RUBCNL: variants seen among roughly 807,000 people sequenced by gnomAD.
The protein encoded by RUBCNL is rubicon like autophagy enhancer.
In RUBCNL, 62 loss-of-function variants were observed where a neutral mutation model predicts 69.5. That is an observed-to-expected ratio of 0.89 (90% confidence interval 0.73 to 1.10). The LOEUF (loss-of-function observed/expected upper bound fraction) is 1.10. Among genes scored for constraint, RUBCNL ranks in the 50% least tolerant of loss-of-function variants. The pLI is 0.00. For missense variants in RUBCNL, 768 were observed against 798.1 expected (o/e 0.96, Z 0.45); for synonymous variants, 291 against 303.6 (o/e 0.96, Z 0.43).
At chr13:46,376,338 G>A (rs2048994370) in intron 2 of RUBCNL, among the ~76,000 whole-genome samples, 1 of 151,834 alleles carries the variant, frequency 6.6e-6, no homozygotes, top group African/African-American at 2.4e-5. Flanking sequence ...ATATACCTTT[G>A]TATATAACAT....
intron 10 of RUBCNL, chr13:46,354,756 C>T (rs1419816547): frequency 6.6e-6 from 3 of 456,524 alleles, no homozygotes; most frequent in East Asian, 6.9e-5. Context: ...GTGTTACATA[C>T]ACTTACTTGG....
intron 10 of RUBCNL, among the ~76,000 whole-genome samples, chr13:46,355,294 CTTTTT>C (rs34432929): frequency 1.6e-5 from 2 of 126,480 alleles, no homozygotes; most frequent in African/African-American, 3.1e-5. Context: ...AAAGCCCGAG[CTTTTT>C]TTTTTTTTTT....
In RUBCNL at chr13:46,380,264, G is replaced by C. The variant is rs368414980; in HGVS notation, c.-238-2259C>G. Reference sequence around the variant, plus strand: ...TTTCACCTAAAAGAACTGCAGGGTTGCCCAAAACACCCAAATGACTAACTC... The same window carrying C: ...TTTCACCTAAAAGAACTGCAGGGTTCCCCAAAACACCCAAATGACTAACTC... On this transcript the variant is annotated intron_variant, in intron 1 of 14. Coordinates refer to ENST00000429979, the MANE Select transcript of RUBCNL (RefSeq NM_025113.5). Among the ~76,000 whole-genome samples the C allele has an allele frequency of 2.6e-5, 4 of 152,294 alleles. No individual in the cohort carries two copies. In the South Asian group the frequency reaches 8.3e-4, roughly 32 times the overall value.
chr13:46,356,402 A>G (rs1267679976), intron 10 of RUBCNL, 30 bp downstream of exon 10: 6 of 1,610,448 alleles, frequency 3.7e-6, no homozygotes, highest in Admixed American at 1.7e-5. Context: ...TCATCACATC[A>G]TAAGCAGGCG....
intron 5 of RUBCNL, among the ~76,000 whole-genome samples, chr13:46,366,496 A>G (rs1024655561): frequency 6.6e-6 from 1 of 152,250 alleles, no homozygotes; most frequent in Non-Finnish European, 1.5e-5. Flanking sequence ...TGTCCCAGAT[A>G]TATTTCCCAC....
intron 3 of RUBCNL, among the ~76,000 whole-genome samples, chr13:46,369,856 T>C (rs1456268812): frequency 6.6e-6 from 1 of 152,240 alleles, no homozygotes; most frequent in Non-Finnish European, 1.5e-5. Context: ...AATCCCTTGC[T>C]TCATGTTCAA....
chr13:46,345,611 G>C lies in RUBCNL; in HGVS notation c.1632-11C>G. The C allele has an allele frequency of 6.2e-7, 1 of 1,612,662 alleles. No individual in the cohort carries two copies. Among genetic ancestry groups the C allele is most frequent in the Non-Finnish European group, 8.5e-7 (1 of 1,179,226 alleles). On this transcript the variant is annotated splice_polypyrimidine_tract_variant and intron_variant, in intron 12 of 14. Transcript: ENST00000429979. ...AACTCCTTTAATGCACTGCCAGAGA[G>C]GAAACAAAGAGGAATTCAGAAACCC...
At position 46,365,764 on chromosome 13, in the gene RUBCNL, G is replaced by A. The variant is rs185258362; in HGVS notation, c.826+2278C>T. ...CCTGTTTAAAAGGCAGGAAGCAGCTGGATGCCACAAGGCTAAAAATTCCAG... is the reference window on the plus strand; with the variant it reads ...CCTGTTTAAAAGGCAGGAAGCAGCTAGATGCCACAAGGCTAAAAATTCCAG... On this transcript the variant is annotated intron_variant, in intron 5 of 14. Coordinates refer to ENST00000429979, the MANE Select transcript of RUBCNL (RefSeq NM_025113.5). 2.0e-5 allele frequency among the ~76,000 whole-genome samples: 3 copies of A among 152,260 alleles called. No individual in the cohort carries two copies. In the East Asian group the frequency reaches 5.8e-4, roughly 29 times the overall value.
intron 10 of RUBCNL, chr13:46,350,613 T>C (rs906143158): frequency 1.7e-4 from 63 of 373,496 alleles, no homozygotes; most frequent in African/African-American, 8.6e-4. Context: ...ATTTGGAAGA[T>C]GGAAATTGCA....
At chr13:46,363,452 A>G (rs1057430049) in intron 5 of RUBCNL, among the ~76,000 whole-genome samples, 2 of 152,188 alleles carry the variant, frequency 1.3e-5, no homozygotes, top group Non-Finnish European at 2.9e-5. Context: ...CAAAGAAGCT[A>G]TCTGCAGTCC....
At chr13:46,362,957 T>G (rs1182550548) in intron 6 of RUBCNL, among the ~76,000 whole-genome samples, 158 bp downstream of exon 6, 4 of 72,188 alleles carry the variant, frequency 5.5e-5, no homozygotes, top group Non-Finnish European at 1.0e-4. Context: ...TATATATATA[T>G]ATATATATAT....
chr13:46,381,034 A>G (rs978993893), intron 1 of RUBCNL, among the ~76,000 whole-genome samples: 4 of 152,238 alleles, frequency 2.6e-5, no homozygotes, highest in Non-Finnish European at 5.9e-5. Flanking sequence ...ATGGAAAGCC[A>G]TATTGGAAAA....
chr13:46,368,249 C>A lies in RUBCNL; in HGVS notation c.619G>T (p.Glu207Ter), dbSNP rs770900318. The part of the protein sequence containing the change: ...VFVLPVDVEK[E>*]NAHFYVADMI... ...TCTGCAACATAAAAGTGGGCATTTT[C>A]CTGCAGAAAAAGAAATCAATTAAAA... Residue 207 changes from glutamate (E) to a stop codon, truncating the protein, a stop_gained and splice_region_variant, in exon 5 of 15, where the codon GAA becomes TAA. Coordinates refer to ENST00000429979, the MANE Select transcript of RUBCNL (RefSeq NM_025113.5). LOFTEE classifies it high-confidence loss of function. 4 of 1,610,796 alleles carry A rather than the reference C, an allele frequency of 2.5e-6. No individual in the cohort carries two copies. The highest frequency in any genetic ancestry group is 3.4e-6 in the Non-Finnish European group (4 of 1,178,156).
intron 2 of RUBCNL, among the ~76,000 whole-genome samples, chr13:46,372,835 G>T (rs1477130063): frequency 2.0e-5 from 3 of 151,932 alleles, no homozygotes; most frequent in Non-Finnish European, 4.4e-5. Flanking sequence ...ATAAAATTAA[G>T]AAATCACAAA....
At chr13:46,383,826 A>T (rs537703199) in intron 1 of RUBCNL, among the ~76,000 whole-genome samples, 2 of 152,328 alleles carry the variant, frequency 1.3e-5, no homozygotes, top group African/African-American at 4.8e-5. Context: ...GTGAATAATG[A>T]ATTGTTTCTG....
chr13:46,363,456 G>A (rs895466586), intron 5 of RUBCNL, among the ~76,000 whole-genome samples: 1 of 152,118 alleles, frequency 6.6e-6, no homozygotes, highest in African/African-American at 2.4e-5. Context: ...GAAGCTATCT[G>A]CAGTCCATCC....
At position 46,336,956 on chromosome 13, in the gene RUBCNL, T is replaced by G. The variant is rs769720502; in HGVS notation, c.*6429A>C. On this transcript the variant is annotated 3_prime_UTR_variant, in exon 15 of 15. Transcript: ENST00000429979. ...GTTTTTGATGTCTGCATGACTGTTA[T>G]GGACTGAATATTTATATCTCCTCAA... Among the ~76,000 whole-genome samples, 2 of 152,060 alleles carry G rather than the reference T, an allele frequency of 1.3e-5. No homozygotes were observed. Among genetic ancestry groups the G allele is most frequent in the Non-Finnish European group, 2.9e-5 (2 of 68,022 alleles).
rs183731833 is a variant in RUBCNL, at chr13:46,383,146, T to C, written c.-239+3988A>G. 1.3e-4 allele frequency among the ~76,000 whole-genome samples: 20 copies of C among 152,326 alleles called. No homozygotes were observed. In the East Asian group the frequency reaches 2.9e-3, roughly 22 times the overall value. On this transcript the variant is annotated intron_variant, in intron 1 of 14. Coordinates refer to ENST00000429979, the MANE Select transcript of RUBCNL (RefSeq NM_025113.5). ...GAAGGTTGTTCATTGTACTATTCTA[T>C]GTTTAAGTTTGAAATTTTCCATTAA...
rs932238829 is a variant in RUBCNL at position 46,336,170 on chromosome 13, G to A, written c.*7215C>T. Among the ~76,000 whole-genome samples, 5 of 152,084 alleles carry A rather than the reference G, an allele frequency of 3.3e-5. No homozygotes were observed. Among genetic ancestry groups the A allele is most frequent in the South Asian group, 2.1e-4 (1 of 4,824 alleles). On this transcript the variant is annotated 3_prime_UTR_variant, in exon 15 of 15. Transcript: ENST00000429979. ...CATCCATCTGGTCTATCTGACAGCCGGCCCTGTTCTTTTTGGTTCACGTGG... is the reference window on the plus strand; with the variant it reads ...CATCCATCTGGTCTATCTGACAGCCAGCCCTGTTCTTTTTGGTTCACGTGG...
Sources: allele counts gnomAD v4.1 joint callset (sites outside exome capture counted in the v4.1 genomes callset), GRCh38; gene constraint gnomAD v4.1.1; transcripts MANE v1.5; gene names NCBI Gene and HGNC (gene_info 2026-07-23, HGNC 2026-07-21).